PTPRT: variants seen among roughly 807,000 people sequenced by gnomAD.
PTPRT encodes protein tyrosine phosphatase receptor type T, also known as receptor-type tyrosine-protein phosphatase T.
PTPRT carries 56 observed loss-of-function variants against 176.8 expected under a neutral mutation model. The observed-to-expected ratio is 0.32, with a 90% CI of 0.26 to 0.40. The LOEUF is 0.40. Ranked by LOEUF, PTPRT falls within the 10% of genes least tolerant of loss-of-function variation. The pLI, the probability that PTPRT is intolerant of heterozygous loss-of-function variation, is 1.00. For synonymous variants in PTPRT, 783 were observed against 739.0 expected (o/e 1.06, Z -0.96); for missense variants, 1,540 against 1,908.2 (o/e 0.81, Z 3.60).
chr20:42,040,212 G>A, the PTPRT span, among the ~76,000 whole-genome samples: 9 of 152,130 alleles, frequency 5.9e-5, no homozygotes, highest in Non-Finnish European at 8.8e-5. Context: ...TTCTTAAAGG[G>A]GATGATGCCA....
chr20:42,703,855 A>G (rs572915123), intron 6 of PTPRT, among the ~76,000 whole-genome samples: 2 of 152,246 alleles, frequency 1.3e-5, no homozygotes, highest in Admixed American at 1.3e-4. Context: ...ATAGAAAAGC[A>G]GCTCCTGTCA....
intron 2 of PTPRT, among the ~76,000 whole-genome samples, chr20:42,850,393 C>T (rs757439047): frequency 5.9e-5 from 9 of 152,154 alleles, no homozygotes; most frequent in East Asian, 3.9e-4. Flanking sequence ...ACGTCCGAAC[C>T]GGAATAACTA....
At chr20:42,331,925 T>C (rs1169718791) in intron 11 of PTPRT, among the ~76,000 whole-genome samples, 1 of 152,188 alleles carries the variant, frequency 6.6e-6, no homozygotes, top group Non-Finnish European at 1.5e-5. Flanking sequence ...TTGTTAATAT[T>C]GACCCTGGAA....
intron 19 of PTPRT, among the ~76,000 whole-genome samples, chr20:42,122,504 A>T (rs1987639967): frequency 6.6e-6 from 1 of 152,194 alleles, no homozygotes; most frequent in Non-Finnish European, 1.5e-5. Context: ...GCTAAAAGAA[A>T]GAATTAAACC....
intron 11 of PTPRT, among the ~76,000 whole-genome samples, chr20:42,322,649 T>C (rs2057817178): frequency 6.6e-6 from 1 of 151,620 alleles, no homozygotes; most frequent in Admixed American, 6.6e-5. Context: ...CCTAAAACCA[T>C]AAAAAACCTA....
chr20:42,598,079 TAAAAATGAGTTC>T (rs2073706638), intron 7 of PTPRT, among the ~76,000 whole-genome samples: 1 of 151,986 alleles, frequency 6.6e-6, no homozygotes, highest in South Asian at 2.1e-4. Flanking sequence ...CCAATATCCA[TAAAAATGAGTTC>T]AAATAATTTA....
intron 1 of PTPRT, among the ~76,000 whole-genome samples, chr20:43,031,744 C>CA (rs1986147302): frequency 1.3e-5 from 2 of 152,162 alleles, no homozygotes; most frequent in South Asian, 4.1e-4. Flanking sequence ...ATACAGGGGC[C>CA]ACACCACAGG....
At chr20:42,764,940 C>T (rs2076962336) in intron 5 of PTPRT, among the ~76,000 whole-genome samples, 1 of 152,156 alleles carries the variant, frequency 6.6e-6, no homozygotes, top group Non-Finnish European at 1.5e-5. Context: ...CCTCAGAGGC[C>T]AGCAGCAGCC....
At chr20:43,186,270 A>G (rs1184370656) in intron 1 of PTPRT, among the ~76,000 whole-genome samples, 2 of 152,240 alleles carry the variant, frequency 1.3e-5, no homozygotes, top group Non-Finnish European at 2.9e-5. Flanking sequence ...ATTTAAACTG[A>G]GGACTTCAGA....
chr20:43,113,682 A>G (rs1281700511), intron 1 of PTPRT, among the ~76,000 whole-genome samples: 4 of 152,190 alleles, frequency 2.6e-5, no homozygotes. Context: ...CTCAAGTACG[A>G]ACCAAGGATA....
At chr20:42,291,256 T>A (rs188406936) in intron 12 of PTPRT, among the ~76,000 whole-genome samples, 49 of 152,284 alleles carry the variant, frequency 3.2e-4, no homozygotes, top group African/African-American at 1.1e-3. Context: ...ATGATTACTA[T>A]GTGCCACACA....
chr20:42,620,907 C>A (rs1465749121), intron 7 of PTPRT, among the ~76,000 whole-genome samples: 1 of 152,168 alleles, frequency 6.6e-6, no homozygotes, highest in Non-Finnish European at 1.5e-5. Context: ...TCTTCTGCAT[C>A]GCTCACGCTG....
At chr20:43,125,739 A>C (rs2013414144) in intron 1 of PTPRT, among the ~76,000 whole-genome samples, 1 of 152,232 alleles carries the variant, frequency 6.6e-6, no homozygotes, top group Non-Finnish European at 1.5e-5. Flanking sequence ...ATTAGAAGTA[A>C]GCATGGTCAA....
intron 19 of PTPRT, 23 bp from the exon 20 acceptor site, chr20:42,119,994 T>A: frequency 6.2e-7 from 1 of 1,601,082 alleles, no homozygotes; most frequent in Non-Finnish European, 8.5e-7. Flanking sequence ...AGAAAAGCAC[T>A]GTGAAGAGTC....
At chr20:42,993,529 CAT>C (rs1301361961) in intron 1 of PTPRT, among the ~76,000 whole-genome samples, 1 of 86,960 alleles carries the variant, frequency 1.1e-5, no homozygotes, top group Non-Finnish European at 2.4e-5. Context: ...TATATATACA[CAT>C]ATATGTGTGT....
chr20:42,754,317 C>T (rs1351092431), intron 6 of PTPRT, among the ~76,000 whole-genome samples: 2 of 152,206 alleles, frequency 1.3e-5, no homozygotes, highest in East Asian at 3.9e-4. Context: ...TCCCGAGCAG[C>T]TGGGACTAGA....
intron 12 of PTPRT, among the ~76,000 whole-genome samples, chr20:42,283,852 T>C (rs2057181858): frequency 6.6e-6 from 1 of 152,148 alleles, no homozygotes; most frequent in Admixed American, 6.6e-5. Flanking sequence ...CGGCAGATTC[T>C]ATTCCATCTA....
intron 1 of PTPRT, among the ~76,000 whole-genome samples, chr20:42,945,314 A>G (rs1980811756): frequency 6.6e-6 from 1 of 152,060 alleles, no homozygotes; most frequent in African/African-American, 2.4e-5. Context: ...CAGCTAATAA[A>G]TGACAGCTGT....
chr20:42,144,917 A>G (rs1988793569), intron 17 of PTPRT, among the ~76,000 whole-genome samples: 1 of 152,142 alleles, frequency 6.6e-6, no homozygotes, highest in South Asian at 2.1e-4. Context: ...CCCCTCAATA[A>G]GCCCTGTTTT....
Sources: gnomAD v4.1 joint callset for allele counts (sites outside exome capture counted in the v4.1 genomes callset) on GRCh38, gnomAD v4.1.1 for gene constraint, MANE v1.5 for transcripts, NCBI Gene and HGNC (gene_info 2026-07-23, HGNC 2026-07-21) for gene names.